Variants in TP53BP2 observed in about 807,000 individuals in gnomAD.
The protein encoded by TP53BP2 is apoptosis-stimulating of p53 protein 2.
Under a neutral mutation model 126.2 loss-of-function variants are expected in TP53BP2, and 62 were observed. The ratio of observed to expected loss-of-function variants is 0.49; its 90% CI spans 0.40 to 0.61. TP53BP2 has a LOEUF of 0.61. Among genes scored for constraint, TP53BP2 ranks in the 20% least tolerant of loss-of-function variants. The pLI is 0.00. For synonymous variants in TP53BP2, 485 were observed against 502.9 expected (o/e 0.96, Z 0.48); for missense variants, 1,215 against 1,402.8 (o/e 0.87, Z 2.14).
intron 15 of TP53BP2, 95 bp downstream of exon 15, chr1:223,792,294 G>A (rs2102839381): frequency 2.1e-6 from 3 of 1,397,692 alleles, no homozygotes; most frequent in Non-Finnish European, 2.9e-6. Flanking sequence ...GGACATAACT[G>A]ACATACTTCT....
chr1:223,796,039 G>T lies in TP53BP2; in HGVS notation c.2500C>A (p.Pro834Thr). Residue 834 changes from proline to threonine, a missense_variant, in exon 13 of 18, where the codon CCA (proline) becomes ACA (threonine). This residue lies in a region of TP53BP2 where 204 missense variants were observed against 225.7 expected (regional missense o/e 0.90). Coordinates refer to ENST00000343537, the MANE Select transcript of TP53BP2 (RefSeq NM_001031685.3). The surrounding 1 kb of genome is among the most constrained non-coding windows in gnomAD (Gnocchi z 4.2). ...TENSDMPAPS[P>T]GLDYEPEGVP... ...CCCTCAGGCTCATAATCAAGGCCTG[G>T]AGAAGGAGCTGGCATGTCACTGTTC... The T allele has an allele frequency of 6.2e-7, 1 of 1,614,142 alleles. No individual in the cohort carries two copies. Among genetic ancestry groups the T allele is most frequent in the Non-Finnish European group, 8.5e-7 (1 of 1,179,994 alleles).
chr1:223,801,986 G>T (rs1662540359), intron 9 of TP53BP2, 130 bp downstream of exon 9: 1 of 924,192 alleles, frequency 1.1e-6, no homozygotes, highest in Non-Finnish European at 1.6e-6. Context: ...CATTACACCA[G>T]CAAAGAATAT....
intron 1 of TP53BP2, among the ~76,000 whole-genome samples, chr1:223,843,570 T>C (rs1245795994): frequency 6.6e-6 from 1 of 152,214 alleles, no homozygotes; most frequent in Non-Finnish European, 1.5e-5. Context: ...CACAGAACTG[T>C]ACACTTAAAT....
chr1:223,792,355 T>G (rs1374004249), intron 15 of TP53BP2, 34 bp downstream of exon 15: 3 of 1,574,624 alleles, frequency 1.9e-6, no homozygotes, highest in East Asian at 2.3e-5. Context: ...TTCCCACAAC[T>G]GAAGTTTGAC....
intron 2 of TP53BP2, among the ~76,000 whole-genome samples, 159 bp from the exon 3 acceptor site, chr1:223,814,512 G>A (rs116266738): frequency 0.01 from 1,585 of 152,216 alleles, 36 homozygotes; most frequent in African/African-American, 0.037. Context: ...AGAAACTGAA[G>A]TCACACAGAT....
intron 1 of TP53BP2, among the ~76,000 whole-genome samples, chr1:223,825,212 C>T (rs964276287): frequency 1.3e-5 from 2 of 152,246 alleles, no homozygotes; most frequent in East Asian, 1.9e-4. Context: ...GTAGACTCAG[C>T]GCCTAGAACT....
intron 14 of TP53BP2, among the ~76,000 whole-genome samples, chr1:223,792,983 G>C (rs1662204320): frequency 6.6e-6 from 1 of 152,004 alleles, no homozygotes; most frequent in African/African-American, 2.4e-5. Flanking sequence ...CTAAAGGGGA[G>C]TAATGATCTC....
rs574392242 is a variant in TP53BP2 at position 223,792,428 on chromosome 1, T to C, written c.2957A>G (p.Gln986Arg). 7 of 1,613,366 alleles carry C rather than the reference T, an allele frequency of 4.3e-6. No homozygotes were observed. Among genetic ancestry groups the C allele is most frequent in the African/African-American group, 2.7e-5 (2 of 75,056 alleles). The change falls in exon 15 of 18, where the codon CAG (glutamine) becomes CGG (arginine). Residue 986 changes from glutamine (Q) to arginine (R), a missense_variant. Transcript: ENST00000343537. The stretch of plus-strand genomic sequence containing the variant: ...AGCAGCATTTACATTTACACCAAAC[T>C]GTACCAGGAACTTAACGATTTCTGT... The part of the protein sequence containing the change: ...GHTEIVKFLV[Q>R]FGVNVNAADS...
Position 223,812,295 on chromosome 1 carries a change from C to T in TP53BP2, c.290-1782G>A, listed in dbSNP as rs542078616. On this transcript the variant is annotated intron_variant, in intron 3 of 17. Transcript: ENST00000343537. ...GGGCCAAACTAAGTCAATTCTGCCC[C>T]TCAGCTAACCCGTACTATAAATTTA... 2.4e-3 allele frequency among the ~76,000 whole-genome samples: 370 copies of T among 152,294 alleles called. 4 individuals are homozygous for T. Among genetic ancestry groups the T allele is most frequent in the African/African-American group, 8.6e-3 (357 of 41,558 alleles).
Position 223,802,191 on chromosome 1 carries a change from T to C in TP53BP2, c.1150A>G (p.Ile384Val). 6.2e-7 allele frequency: 1 copy of C among 1,614,196 alleles called. No individual in the cohort carries two copies. Among genetic ancestry groups the C allele is most frequent in the African/African-American group, 1.3e-5 (1 of 75,046 alleles). The change falls in exon 9 of 18, where the codon ATT (isoleucine) becomes GTT (valine). Residue 384 changes from isoleucine (I) to valine (V), a missense_variant. Coordinates refer to ENST00000343537, the MANE Select transcript of TP53BP2 (RefSeq NM_001031685.3). Reference protein sequence around the residue: ...KPALPDGSLVIQASEGPMKIQ... With the variant: ...KPALPDGSLVVQASEGPMKIQ... ...TTCATCGGCCCCTCTGAAGCCTGAA[T>C]GACCAAGGAACCATCCGGCAGGGCT...
chr1:223,792,260 C>A, intron 15 of TP53BP2, 129 bp downstream of exon 15: 1 of 1,035,416 alleles, frequency 9.7e-7, no homozygotes, highest in Non-Finnish European at 1.4e-6. Context: ...CCACATTTCT[C>A]CAGCTAGATT....
intron 1 of TP53BP2, among the ~76,000 whole-genome samples, chr1:223,838,411 T>C (rs541473431): frequency 6.6e-6 from 1 of 152,310 alleles, no homozygotes; most frequent in East Asian, 1.9e-4. Flanking sequence ...CCTAATCTAT[T>C]TCCAACAAAG....
intron 2 of TP53BP2, among the ~76,000 whole-genome samples, chr1:223,818,621 G>C (rs1571864450): frequency 6.6e-6 from 1 of 151,018 alleles, no homozygotes; most frequent in African/African-American, 2.4e-5. Context: ...CCAGGCTGGA[G>C]TGGAGTGGAG....
At chr1:223,839,943 A>G (rs1045922868) in intron 1 of TP53BP2, among the ~76,000 whole-genome samples, 1 of 152,170 alleles carries the variant, frequency 6.6e-6, no homozygotes, top group African/African-American at 2.4e-5. Context: ...CTGTCTAAAA[A>G]AAAACAACAA....
chr1:223,787,075 T>C (rs1661994874), intron 16 of TP53BP2, among the ~76,000 whole-genome samples: 1 of 151,940 alleles, frequency 6.6e-6, no homozygotes, highest in South Asian at 2.1e-4. Flanking sequence ...TTTGTATTTT[T>C]AGTACAGATG....
At position 223,802,721 on chromosome 1, in the gene TP53BP2, G is replaced by A; in HGVS notation, c.996+10C>T. The A allele has an allele frequency of 1.2e-6, 2 of 1,613,750 alleles. No individual in the cohort carries two copies. ...TCCTCCCCAAAACCATTACAAAACG[G>A]CCCACTTACTGGTAGATTTTCTTTT... On this transcript the variant is annotated intron_variant, in intron 8 of 17. Coordinates refer to ENST00000343537, the MANE Select transcript of TP53BP2 (RefSeq NM_001031685.3).
rs1255140636 is a variant in TP53BP2 at position 223,802,760 on chromosome 1, CCTT to C, written c.964_966del (p.Lys322del). The C allele has an allele frequency of 6.2e-7, 1 of 1,614,010 alleles. No homozygotes were observed. The highest frequency in any genetic ancestry group is 8.5e-7 in the Non-Finnish European group (1 of 1,180,014). ...AGATTTTCTTTTTGCTGTAGAGCTG[CCTT>C]CTTCTTCCACAGCCGGTCCCTCAGC... is the stretch of plus-strand genomic sequence containing the variant. On this transcript the variant is annotated inframe_deletion, in exon 8 of 18. Transcript: ENST00000343537.
intron 10 of TP53BP2, among the ~76,000 whole-genome samples, chr1:223,800,358 G>A (rs77768178): frequency 6.6e-6 from 1 of 152,124 alleles, no homozygotes; most frequent in Non-Finnish European, 1.5e-5. Flanking sequence ...AAGTGGAAGC[G>A]GGTAGATCAC....
At chr1:223,782,289 T>C (rs979199002) in intron 17 of TP53BP2, among the ~76,000 whole-genome samples, 1 of 152,168 alleles carries the variant, frequency 6.6e-6, no homozygotes, top group Non-Finnish European at 1.5e-5. Flanking sequence ...AAGACTCAAG[T>C]AAGCAACTAG....
Sources: gnomAD v4.1 joint callset for allele counts (sites outside exome capture counted in the v4.1 genomes callset) on GRCh38, gnomAD v4.1.1 for gene constraint, gnomAD v4.1.1 regional missense constraint, Gnocchi (gnomAD v3.1) non-coding constraint, MANE v1.5 for transcripts, NCBI Gene and HGNC (gene_info 2026-07-23, HGNC 2026-07-21) for gene names.